CCDC187: variants seen among roughly 807,000 people sequenced by gnomAD.
CCDC187 encodes the protein coiled-coil domain-containing protein 187.
Under a neutral mutation model 38.0 loss-of-function variants are expected in CCDC187, and 32 were observed. The ratio of observed to expected loss-of-function variants is 0.84; its 90% CI spans 0.64 to 1.13. CCDC187 has a LOEUF of 1.13. Ranked by LOEUF, CCDC187 falls within the 50% of genes most tolerant of loss-of-function variation. The pLI, the probability that CCDC187 is intolerant of heterozygous loss-of-function variation, is 0.00. For missense variants in CCDC187, 707 were observed against 786.8 expected (o/e 0.90, Z 1.21); for synonymous variants, 333 against 347.9 (o/e 0.96, Z 0.48).
rs1302615717 is a variant in CCDC187 at position 136,257,820 on chromosome 9, G to A, written c.4367-979C>T. 5.9e-5 allele frequency among the ~76,000 whole-genome samples: 9 copies of A among 152,354 alleles called. No individual in the cohort carries two copies. Among genetic ancestry groups the A allele is most frequent in the African/African-American group, 1.7e-4 (7 of 41,582 alleles). On this transcript the variant is annotated intron_variant, in intron 22 of 25. Transcript: ENST00000638797. The surrounding 1 kb of genome is among the most constrained non-coding windows in gnomAD (Gnocchi z 4.5). ...GTGACCCCAGCGACCACAATGGGGCGTCACCCAGGGAGCCCCTGCAAGCGC... is the reference window on the plus strand; with the variant it reads ...GTGACCCCAGCGACCACAATGGGGCATCACCCAGGGAGCCCCTGCAAGCGC...
intron 2 of CCDC187, among the ~76,000 whole-genome samples, 198 bp downstream of exon 2, chr9:136,302,614 C>T (rs1436144041): frequency 1.3e-5 from 2 of 152,234 alleles, no homozygotes; most frequent in Non-Finnish European, 2.9e-5. Flanking sequence ...GCTCCTCTGT[C>T]GTCTCCAGGG....
At chr9:136,294,472 A>G (rs1193052230) in intron 4 of CCDC187, among the ~76,000 whole-genome samples, 1 of 152,146 alleles carries the variant, frequency 6.6e-6, no homozygotes, top group African/African-American at 2.4e-5. Flanking sequence ...TGGGGTCAAG[A>G]CCACTGTGGA....
At chr9:136,302,106 A>G (rs1205959865) in intron 2 of CCDC187, among the ~76,000 whole-genome samples, 1 of 152,066 alleles carries the variant, frequency 6.6e-6, no homozygotes, top group African/African-American at 2.4e-5. Flanking sequence ...GCTACTCGGG[A>G]GGCTGAGGCA....
At chr9:136,304,153 C>T (rs1170681658), upstream of CCDC187, 1 of 152,294 alleles carries the variant, frequency 6.6e-6, no homozygotes, top group Non-Finnish European at 1.5e-5. Context: ...AGCATAATAA[C>T]CTTGTCACTC....
chr9:136,263,166 C>G (rs373582553), intron 18 of CCDC187, among the ~76,000 whole-genome samples: 5 of 151,266 alleles, frequency 3.3e-5, no homozygotes, highest in African/African-American at 1.2e-4. Context: ...CTCAGCCCCC[C>G]AGCAGTGTCC....
rs1319150424 is a variant in CCDC187 at position 136,266,043 on chromosome 9, C to T, written c.3648G>A (p.Gly1216=). The T allele has an allele frequency of 1.0e-6, 1 of 985,550 alleles. No individual in the cohort carries two copies. Among genetic ancestry groups the T allele is most frequent in the Non-Finnish European group, 1.2e-6 (1 of 829,980 alleles). The allele number at this position is 985,550 out of a possible 1,614,324, so 61.1% of individuals were successfully genotyped here. A position where few individuals can be genotyped will look rare whatever the true frequency, so the allele number is the denominator to read the frequency against. ...AELAWLEHRR[G]CLDSKRDRAV... ...CTCTGTCCCTCTTGCTGTCCAGGCA[C>T]CTGGGGGGAGGTGGCAACATCACTG... Residue 1216 remains glycine (G), a splice_region_variant and synonymous_variant, in exon 17 of 26, where the codon GGG becomes GGA. Coordinates refer to ENST00000638797, the MANE Select transcript of CCDC187 (RefSeq NM_001378188.1).
chr9:136,289,492 C>T, intron 7 of CCDC187, among the ~76,000 whole-genome samples: 1 of 139,084 alleles, frequency 7.2e-6, no homozygotes, highest in East Asian at 2.1e-4. Flanking sequence ...GCGCTCCAGC[C>T]TGGGCAACAG....
At chr9:136,290,447 G>A (rs961734573) in intron 6 of CCDC187, 39 bp downstream of exon 6, 40,981 of 398,514 alleles carry the variant, frequency 0.1, 2,393 homozygotes, top group Middle Eastern at 0.18. Context: ...TCTGGCCCAT[G>A]GCTGAGCCGA....
rs1786491264 is a variant in CCDC187 at position 136,285,560 on chromosome 9, C to T, written c.2880G>A (p.Leu960=). ...GHVDVKPDKR[L]QRGVAPFQAL... ...CCTGGAAGGGGGCCACGCCTCTCTG[C>T]AGCCTTTTGTCTGGTTTCACGTCCA... Residue 960 remains leucine (L), a synonymous_variant, in exon 9 of 26, where the codon CTG becomes CTA. Transcript: ENST00000638797. The T allele has an allele frequency of 1.0e-5, 4 of 401,796 alleles. No individual in the cohort carries two copies. In the Admixed American group the frequency reaches 1.8e-4, roughly 18 times the overall value. The allele number at this position is 401,796 out of a possible 1,614,324, so 24.9% of individuals were successfully genotyped here.
At chr9:136,298,185 G>A (rs953739037) in intron 3 of CCDC187, among the ~76,000 whole-genome samples, 4 of 152,198 alleles carry the variant, frequency 2.6e-5, no homozygotes, top group East Asian at 3.9e-4. Flanking sequence ...CCCAGCTGGG[G>A]GCCCGGGCCA....
intron 23 of CCDC187, 91 bp from the exon 24 acceptor site, chr9:136,256,414 C>T (rs544034826): frequency 1.6e-5 from 9 of 577,458 alleles, no homozygotes; most frequent in East Asian, 1.4e-4. Context: ...GTGCTTCCAG[C>T]GACCACGGTA....
intron 4 of CCDC187, among the ~76,000 whole-genome samples, chr9:136,294,018 A>ATG (rs1831464363): frequency 1.4e-5 from 2 of 144,830 alleles, no homozygotes; most frequent in African/African-American, 2.6e-5. Context: ...ACGCCCTCAC[A>ATG]TGCTCTCACA....
chr9:136,282,047 C>T (rs903536973), intron 9 of CCDC187, among the ~76,000 whole-genome samples: 6 of 152,168 alleles, frequency 3.9e-5, no homozygotes, highest in East Asian at 3.9e-4. Context: ...GGTCAGCTTC[C>T]GTGGCCACCG....
At position 136,250,621 on chromosome 9, in the gene CCDC187, C is replaced by T; in HGVS notation, c.*2973G>A. 1 of 399,766 alleles carries T rather than the reference C, an allele frequency of 2.5e-6. No individual in the cohort carries two copies. The highest frequency in any genetic ancestry group is 5.1e-6 in the Non-Finnish European group (1 of 195,346). The allele number at this position is 399,766 out of a possible 1,614,324, so 24.8% of individuals were successfully genotyped here. On this transcript the variant is annotated 3_prime_UTR_variant, in exon 26 of 26. Coordinates refer to ENST00000638797, the MANE Select transcript of CCDC187 (RefSeq NM_001378188.1). Reference sequence around the variant, plus strand: ...TCAATGAGAAAGCTGTAGCTCAGCTCAAAGTTTGTTCTGAAATTGGGAGCA... The same window carrying T: ...TCAATGAGAAAGCTGTAGCTCAGCTTAAAGTTTGTTCTGAAATTGGGAGCA...
intron 4 of CCDC187, among the ~76,000 whole-genome samples, chr9:136,294,456 G>A (rs1036491365): frequency 2.2e-4 from 33 of 152,210 alleles, no homozygotes; most frequent in Admixed American, 6.5e-5. Flanking sequence ...GCTCCACCCC[G>A]TGGCCTGGGG....
At chr9:136,255,825 TC>T in intron 24 of CCDC187, 92 bp from the exon 25 acceptor site, 1 of 599,400 alleles carries the variant, frequency 1.7e-6, no homozygotes, top group Non-Finnish European at 2.1e-6. Context: ...CCAGGCTCAG[TC>T]CACAGCTCAC....
intron 14 of CCDC187, among the ~76,000 whole-genome samples, chr9:136,273,289 C>T (rs1564313077): frequency 6.6e-6 from 1 of 152,074 alleles, no homozygotes; most frequent in Non-Finnish European, 1.5e-5. Flanking sequence ...ACTTCAAATA[C>T]AAAGATGCAA....
In CCDC187 at chr9:136,252,537, CG is replaced by C; in HGVS notation, c.*1056del. ...ACAGCCGGCCGCCCACCCGGTCCAC[CG>C]GGGAAAGGTCCAGGAGACTGTCCCG... On this transcript the variant is annotated 3_prime_UTR_variant, in exon 26 of 26. Transcript: ENST00000638797. The C allele has an allele frequency of 1.0e-5, 2 of 198,156 alleles. No individual in the cohort carries two copies. The highest frequency in any genetic ancestry group is 5.6e-5 in the South Asian group (1 of 17,974). The allele number at this position is 198,156 out of a possible 1,614,324, so 12.3% of individuals were successfully genotyped here.
intron 15 of CCDC187, chr9:136,267,807 G>A: frequency 2.1e-6 from 2 of 974,936 alleles, no homozygotes; most frequent in Non-Finnish European, 2.4e-6. Context: ...CCTGGGCGGG[G>A]GCTAACCCTG....
Sources: gnomAD v4.1 joint callset for allele counts (sites outside exome capture counted in the v4.1 genomes callset) on GRCh38, gnomAD v4.1.1 for gene constraint, Gnocchi (gnomAD v3.1) non-coding constraint, MANE v1.5 for transcripts, NCBI Gene and HGNC (gene_info 2026-07-23, HGNC 2026-07-21) for gene names.